Variants in SLC6A17 observed in about 807,000 individuals in gnomAD.
The protein encoded by SLC6A17 is solute carrier family 6 member 17, also known as sodium-dependent neutral amino acid transporter SLC6A17.
A neutral mutation model predicts 64.5 loss-of-function variants in SLC6A17; 21 were observed. That is an observed-to-expected ratio of 0.33 (90% CI 0.23 to 0.47). SLC6A17 has a LOEUF of 0.47. Ranked by LOEUF, SLC6A17 falls within the 20% of genes least tolerant of loss-of-function variation. SLC6A17 has a pLI of 1.00. For synonymous variants in SLC6A17, 372 were observed against 399.5 expected, an observed-to-expected ratio of 0.93 and a Z score of 0.82; for missense variants, 682 against 963.2, an observed-to-expected ratio of 0.71 and a Z score of 3.86.
Position 110,195,596 on chromosome 1 carries a change from T to C in SLC6A17, c.1503T>C (p.Cys501=). 6.2e-7 allele frequency: 1 copy of C among 1,614,186 alleles called. No individual in the cohort carries two copies. Among genetic ancestry groups the C allele is most frequent in the South Asian group, 1.1e-5 (1 of 91,080 alleles). ...VPKEMFTVGC[C]VFAFLVGLLF... ...CCCGGCTCTCTGTAGTGGGCTGCTGTGTCTTTGCATTCCTCGTGGGGCTGT... is the reference window on the plus strand; with the variant it reads ...CCCGGCTCTCTGTAGTGGGCTGCTGCGTCTTTGCATTCCTCGTGGGGCTGT... The change falls in exon 10 of 12, where the codon TGT becomes TGC. Residue 501 remains cysteine, a synonymous_variant. Transcript: ENST00000331565.
rs1311239091 is a variant in SLC6A17, at chr1:110,201,900, A to G, written c.*3456A>G. The G allele has an allele frequency of 6.6e-6, 1 of 152,392 alleles. No homozygotes were observed. Among genetic ancestry groups the G allele is most frequent in the Non-Finnish European group, 1.5e-5 (1 of 68,186 alleles). 9.4% of individuals were successfully genotyped at this position (152,392 alleles called of 1,614,324 possible). ...TCCCTGAGCATCCCTGGATCCTTCA[A>G]ATAGGCCCTGAGATGTGAGGTCTGC... On this transcript the variant is annotated 3_prime_UTR_variant, in exon 12 of 12. Coordinates refer to ENST00000331565, the MANE Select transcript of SLC6A17 (RefSeq NM_001010898.4).
intron 1 of SLC6A17, among the ~76,000 whole-genome samples, chr1:110,153,030 C>G (rs185419954): frequency 4.9e-4 from 74 of 152,296 alleles, no homozygotes; most frequent in Non-Finnish European, 8.4e-4. Context: ...AATTGGGAAG[C>G]CTGCTTAAGA....
At position 110,182,885 on chromosome 1, in the gene SLC6A17, G is replaced by C. The variant is rs115723181; in HGVS notation, c.864+6146G>C. On this transcript the variant is annotated intron_variant, in intron 6 of 11. Transcript: ENST00000331565. ...AGCGAGGAATTGGAGACAAGTAATA[G>C]ATACCAGTTATTCTCAGGAGTTTTG... Among the ~76,000 whole-genome samples, 680 of 152,238 alleles carry C rather than the reference G, an allele frequency of 4.5e-3. 3 individuals are homozygous for C. Among genetic ancestry groups the C allele is most frequent in the African/African-American group, 0.015 (642 of 41,526 alleles).
Position 110,197,417 on chromosome 1 carries a change from C to T in SLC6A17, c.1653-20C>T. The T allele has an allele frequency of 3.1e-6, 5 of 1,599,706 alleles. No individual in the cohort carries two copies. Among genetic ancestry groups the T allele is most frequent in the Non-Finnish European group, 4.3e-6 (5 of 1,172,708 alleles). On this transcript the variant is annotated intron_variant, in intron 10 of 11. Coordinates refer to ENST00000331565, the MANE Select transcript of SLC6A17 (RefSeq NM_001010898.4). ...TGACTGAGGGATGCCAACTGCTGGA[C>T]CCTCTGCTATGCCTGGCAGGTTCAT...
At chr1:110,174,367 A>G (rs987978027) in intron 4 of SLC6A17, among the ~76,000 whole-genome samples, 1 of 152,218 alleles carries the variant, frequency 6.6e-6, no homozygotes, top group Non-Finnish European at 1.5e-5. Flanking sequence ...TCCACTTCAC[A>G]GATGAGGAGA....
intron 8 of SLC6A17, among the ~76,000 whole-genome samples, chr1:110,193,109 C>T (rs1656874513): frequency 6.6e-6 from 1 of 152,174 alleles, no homozygotes; most frequent in Non-Finnish European, 1.5e-5. Context: ...CAAGACAGCT[C>T]TATGAGTTGA....
At chr1:110,167,425 C>T (rs1250761654) in intron 2 of SLC6A17, among the ~76,000 whole-genome samples, 1 of 152,152 alleles carries the variant, frequency 6.6e-6, no homozygotes, top group Non-Finnish European at 1.5e-5. Context: ...GCTCTGGCCC[C>T]AGACTGCCTG....
intron 1 of SLC6A17, among the ~76,000 whole-genome samples, chr1:110,156,454 T>C (rs1012654225): frequency 6.6e-6 from 1 of 152,126 alleles, no homozygotes; most frequent in Non-Finnish European, 1.5e-5. Context: ...TGTACCCCAG[T>C]GTGCCATGAT....
intron 6 of SLC6A17, among the ~76,000 whole-genome samples, chr1:110,189,053 T>C (rs1013845102): frequency 3.9e-5 from 6 of 152,324 alleles, no homozygotes; most frequent in African/African-American, 1.4e-4. Flanking sequence ...CCCTCTTCCC[T>C]GCATTCAGTG....
At chr1:110,161,772 T>A (rs1655917626) in intron 1 of SLC6A17, among the ~76,000 whole-genome samples, 1 of 152,084 alleles carries the variant, frequency 6.6e-6, no homozygotes, top group African/African-American at 2.4e-5. Flanking sequence ...CTTCTCCTCC[T>A]CCCCGGCTGC....
chr1:110,162,900 G>A (rs1231951718), intron 1 of SLC6A17, among the ~76,000 whole-genome samples: 4 of 151,684 alleles, frequency 2.6e-5, no homozygotes, highest in African/African-American at 9.7e-5. Flanking sequence ...TGACACATGA[G>A]GAAACTGAAG....
intron 1 of SLC6A17, among the ~76,000 whole-genome samples, chr1:110,157,221 G>A (rs1655782143): frequency 1.3e-5 from 2 of 151,862 alleles, no homozygotes; most frequent in African/African-American, 2.4e-5. Context: ...CACCATCATC[G>A]CTTACCTACC....
intron 6 of SLC6A17, among the ~76,000 whole-genome samples, chr1:110,189,692 C>T (rs1267650014): frequency 6.6e-6 from 1 of 152,208 alleles, no homozygotes; most frequent in Admixed American, 6.5e-5. Context: ...CCACCTCGTC[C>T]TCACTGCTTC....
At chr1:110,162,158 G>A (rs148931120) in intron 1 of SLC6A17, among the ~76,000 whole-genome samples, 30 of 152,318 alleles carry the variant, frequency 2.0e-4, no homozygotes, top group South Asian at 4.1e-4. Context: ...CGTGTTGCTC[G>A]TGAAAGCCAC....
At chr1:110,156,819 G>A (rs1655773323) in intron 1 of SLC6A17, among the ~76,000 whole-genome samples, 1 of 152,104 alleles carries the variant, frequency 6.6e-6, no homozygotes, top group African/African-American at 2.4e-5. Flanking sequence ...GTAATTAAGG[G>A]TTTCTGATCA....
chr1:110,154,590 G>A (rs1655705325), intron 1 of SLC6A17, among the ~76,000 whole-genome samples: 1 of 152,228 alleles, frequency 6.6e-6, no homozygotes, highest in Admixed American at 6.5e-5. Flanking sequence ...TCATCTTGGT[G>A]CTTTCTTGTC....
At chr1:110,166,781 G>A (rs915122382) in intron 1 of SLC6A17, 62 bp from the exon 2 acceptor site, 17 of 1,028,622 alleles carry the variant, frequency 1.7e-5, no homozygotes, top group South Asian at 3.7e-5. Flanking sequence ...TTGTGTCCAC[G>A]TTGGGCTCCT....
In SLC6A17 at chr1:110,197,550, T is replaced by A; in HGVS notation, c.1766T>A (p.Ile589Asn). The part of the protein sequence containing the change: ...CMAVLTTASI[I>N]QLGVTPPGYS... ...GCTGTGCTCACCACAGCCAGCATCA[T>A]CCAGCTGGGGGTCACGCCCCCGGGC... The change falls in exon 11 of 12, where the codon ATC (isoleucine) becomes AAC (asparagine). Residue 589 changes from isoleucine (I) to asparagine (N), a missense_variant. Around this residue, in one of 3 missense-constraint regions of SLC6A17, gnomAD observed 264 missense variants for 339.5 expected, o/e 0.78. Coordinates refer to ENST00000331565, the MANE Select transcript of SLC6A17 (RefSeq NM_001010898.4). 1 of 1,612,908 alleles carries A rather than the reference T, an allele frequency of 6.2e-7. No individual in the cohort carries two copies. The highest frequency in any genetic ancestry group is 8.5e-7 in the Non-Finnish European group (1 of 1,179,486).
At position 110,176,545 on chromosome 1, in the gene SLC6A17, A is replaced by C. The variant is rs1441611389; in HGVS notation, c.754-84A>C. On this transcript the variant is annotated intron_variant, in intron 5 of 11. Coordinates refer to ENST00000331565, the MANE Select transcript of SLC6A17 (RefSeq NM_001010898.4). ...TTTCTGCTGCCATCAGGGGCGGCTC[A>C]TGTGCCCCAGATGTGAGCAGGGATG... 9.8e-6 allele frequency: 13 copies of C among 1,322,190 alleles called. No homozygotes were observed. The South Asian group carries it at 1.3e-4, about 13-fold the overall frequency. 81.9% of individuals were successfully genotyped at this position (1,322,190 alleles called of 1,614,324 possible). A position where few individuals can be genotyped will look rare whatever the true frequency, so the allele number is the denominator to read the frequency against.
Sources: allele counts gnomAD v4.1 joint callset (sites outside exome capture counted in the v4.1 genomes callset), GRCh38; gene constraint gnomAD v4.1.1; regional missense constraint gnomAD v4.1.1; transcripts MANE v1.5; gene names NCBI Gene and HGNC (gene_info 2026-07-23, HGNC 2026-07-21).